Variants in SLAMF1 observed in about 807,000 individuals in gnomAD.
The protein encoded by SLAMF1 is signaling lymphocytic activation molecule family member 1, also known as signaling lymphocytic activation molecule.
In SLAMF1, 18 loss-of-function variants were observed where a neutral mutation model predicts 35.1. That is an observed-to-expected ratio of 0.51 (90% CI 0.35 to 0.76). SLAMF1 has a LOEUF of 0.76. SLAMF1 is among the 30% of genes least tolerant of loss of function. The pLI, the probability that SLAMF1 is intolerant of heterozygous loss-of-function variation, is 0.01. For missense variants in SLAMF1, 392 were observed against 413.0 expected (o/e 0.95, Z 0.44); for synonymous variants, 168 against 157.2 (o/e 1.07, Z -0.51).
chr1:160,618,492 C>A (rs981051062), intron 5 of SLAMF1, among the ~76,000 whole-genome samples: 1 of 151,844 alleles, frequency 6.6e-6, no homozygotes. Context: ...GGAAGTTAGT[C>A]CCCTCGAGTG....
intron 3 of SLAMF1, among the ~76,000 whole-genome samples, chr1:160,633,955 A>G (rs529520595): frequency 1.3e-5 from 2 of 152,338 alleles, no homozygotes; most frequent in African/African-American, 4.8e-5. Flanking sequence ...AAGAGATTAC[A>G]CAGTTGAGAG....
intron 6 of SLAMF1, 122 bp downstream of exon 6, chr1:160,612,366 G>A (rs1671806965): frequency 3.3e-6 from 2 of 614,054 alleles, no homozygotes; most frequent in Non-Finnish European, 5.8e-6. Flanking sequence ...ATGAAGCCTA[G>A]TGCCCAATAG....
chr1:160,610,973 C>T (rs1282678836), intron 6 of SLAMF1, among the ~76,000 whole-genome samples, 175 bp from the exon 7 acceptor site: 1 of 152,234 alleles, frequency 6.6e-6, no homozygotes, highest in African/African-American at 2.4e-5. Flanking sequence ...ACTGCTTCTC[C>T]ACCTGCAACA....
At chr1:160,622,469 G>T (rs150451936) in intron 4 of SLAMF1, among the ~76,000 whole-genome samples, 5 of 152,106 alleles carry the variant, frequency 3.3e-5, no homozygotes, top group Non-Finnish European at 5.9e-5. Flanking sequence ...TCTGTTCTAG[G>T]TATTGTTTCC....
At chr1:160,615,515 T>G (rs184357637) in intron 5 of SLAMF1, among the ~76,000 whole-genome samples, 1 of 152,284 alleles carries the variant, frequency 6.6e-6, no homozygotes. Context: ...CAGTCTCAGA[T>G]AGCTTTACTA....
At chr1:160,646,326 G>A (rs554880323) in intron 1 of SLAMF1, among the ~76,000 whole-genome samples, 3 of 152,118 alleles carry the variant, frequency 2.0e-5, no homozygotes, top group African/African-American at 2.4e-5. Flanking sequence ...CAGTATGACC[G>A]CACTGTGGCC....
intron 3 of SLAMF1, among the ~76,000 whole-genome samples, chr1:160,626,509 T>A (rs1339504046): frequency 2.0e-5 from 3 of 152,250 alleles, no homozygotes; most frequent in African/African-American, 7.2e-5. Flanking sequence ...TTTTTCCTCA[T>A]CTTTGGATAC....
chr1:160,612,819 C>T (rs1659076431), intron 5 of SLAMF1, among the ~76,000 whole-genome samples: 1 of 152,202 alleles, frequency 6.6e-6, no homozygotes, highest in South Asian at 2.1e-4. Context: ...AAGGCAGCCT[C>T]ATCCATTGTC....
intron 3 of SLAMF1, among the ~76,000 whole-genome samples, chr1:160,625,736 G>A (rs1659841160): frequency 6.6e-6 from 1 of 152,064 alleles, no homozygotes; most frequent in East Asian, 1.9e-4. Context: ...TTTGTATAAA[G>A]CATGACATTT....
chr1:160,634,594 C>T lies in SLAMF1; in HGVS notation c.700+19G>A, dbSNP rs1235663166. 3 of 1,571,316 alleles carry T rather than the reference C, an allele frequency of 1.9e-6. No individual in the cohort carries two copies. Among genetic ancestry groups the T allele is most frequent in the Non-Finnish European group, 2.6e-6 (3 of 1,154,148 alleles). ...CATGCTCATTAAGGTGGCACACAGG[C>T]TGCCACCAGTGTACTCACCTGAGGG... On this transcript the variant is annotated intron_variant, in intron 3 of 6. Transcript: ENST00000302035.
chr1:160,619,899 G>A, intron 4 of SLAMF1, 50 bp from the exon 5 acceptor site: 1 of 1,260,706 alleles, frequency 7.9e-7, no homozygotes, highest in Non-Finnish European at 1.2e-6. Flanking sequence ...CCCAGCAGGA[G>A]CTCCTTACTC....
intron 5 of SLAMF1, among the ~76,000 whole-genome samples, chr1:160,614,161 G>A (rs1659157158): frequency 6.6e-6 from 1 of 152,182 alleles, no homozygotes; most frequent in South Asian, 2.1e-4. Context: ...CAGTAATTGG[G>A]TGGTTCAGAT....
chr1:160,612,388 G>A lies in SLAMF1; in HGVS notation c.957+100C>T, dbSNP rs143353143. Reference sequence around the variant, plus strand: ...CTAGTGCCCAATAGCTATTTTCCCTGATCCTCTCCCTCTTCCCACCTTAAA... The same window carrying A: ...CTAGTGCCCAATAGCTATTTTCCCTAATCCTCTCCCTCTTCCCACCTTAAA... On this transcript the variant is annotated intron_variant, in intron 6 of 6. Coordinates refer to ENST00000302035, the MANE Select transcript of SLAMF1 (RefSeq NM_003037.5). 39 of 701,638 alleles carry A rather than the reference G, an allele frequency of 5.6e-5. No homozygotes were observed. In the African/African-American group the frequency reaches 6.7e-4, roughly 12 times the overall value. 43.5% of individuals were successfully genotyped at this position (701,638 alleles called of 1,614,324 possible).
At chr1:160,615,152 T>A (rs1167958970) in intron 5 of SLAMF1, among the ~76,000 whole-genome samples, 3 of 152,112 alleles carry the variant, frequency 2.0e-5, no homozygotes, top group African/African-American at 7.2e-5. Context: ...ACAGTCTTTA[T>A]ATTGATATAA....
At chr1:160,646,549 G>C (rs545972402) in intron 1 of SLAMF1, among the ~76,000 whole-genome samples, 1 of 152,298 alleles carries the variant, frequency 6.6e-6, no homozygotes, top group Non-Finnish European at 1.5e-5. Flanking sequence ...AGATGCCCAT[G>C]TAAAACCAAC....
chr1:160,615,410 C>T (rs1015212853), intron 5 of SLAMF1, among the ~76,000 whole-genome samples: 5 of 151,918 alleles, frequency 3.3e-5, no homozygotes. Context: ...CTAGGGTAGC[C>T]ACTAAAAAGA....
chr1:160,622,673 A>AAGT (rs1262971903), intron 4 of SLAMF1, among the ~76,000 whole-genome samples: 1 of 152,256 alleles, frequency 6.6e-6, no homozygotes, highest in Non-Finnish European at 1.5e-5. Flanking sequence ...CAATACCATG[A>AAGT]AGTACATAGT....
In SLAMF1 at chr1:160,637,225, T is replaced by G. The variant is rs371005710; in HGVS notation, c.381A>C (p.Ser127=). ...TCAACTGCAGGCAAAAGCGCTGAAC[T>G]GAAACATTTTTCTCCAGGGTCATAA... ...WYLMTLEKNV[S]VQRFCLQLRL... Residue 127 remains serine (S), a synonymous_variant, in exon 2 of 7, where the codon TCA becomes TCC. Coordinates refer to ENST00000302035, the MANE Select transcript of SLAMF1 (RefSeq NM_003037.5). The G allele has an allele frequency of 1.7e-4, 269 of 1,613,970 alleles. No individual in the cohort carries two copies. The highest frequency in any genetic ancestry group is 2.2e-4 in the Non-Finnish European group (259 of 1,179,970).
Position 160,610,798 on chromosome 1 carries a change from C to G in SLAMF1, c.958G>C (p.Glu320Gln). 6.2e-7 allele frequency: 1 copy of G among 1,610,996 alleles called. No homozygotes were observed. The highest frequency in any genetic ancestry group is 8.5e-7 in the Non-Finnish European group (1 of 1,177,188). Residue 320 changes from glutamate (E) to glutamine (Q), a missense_variant and splice_region_variant, in exon 7 of 7, where the codon GAA becomes CAA. By Grantham distance (29) the Glu-to-Gln change is conservative. Transcript: ENST00000302035. The part of the protein sequence containing the change: ...ATEPVPESVQ[E>Q]TNSITVYASV... The stretch of plus-strand genomic sequence containing the variant: ...GCATAGACTGTGATGGAATTTGTTT[C>G]CTGGGGACAAAGCAGAAGTCTGTGA...
Sources: allele counts gnomAD v4.1 joint callset (sites outside exome capture counted in the v4.1 genomes callset), GRCh38; gene constraint gnomAD v4.1.1; transcripts MANE v1.5; gene names NCBI Gene and HGNC (gene_info 2026-07-23, HGNC 2026-07-21).